The following USP8 variants were observed in gnomAD, a reference collection of about 807,000 sequenced individuals.
USP8 encodes the protein ubiquitin carboxyl-terminal hydrolase 8.
USP8 carries 27 observed loss-of-function variants against 130.0 expected under a neutral mutation model. The ratio of observed to expected loss-of-function variants is 0.21; its 90% confidence interval spans 0.15 to 0.29. USP8 has a LOEUF of 0.29. USP8 is among the 10% of genes least tolerant of loss of function. USP8 has a pLI of 1.00. For synonymous variants in USP8, 392 were observed against 444.1 expected (o/e 0.88, Z 1.48); for missense variants, 1,029 against 1,312.2 (o/e 0.78, Z 3.33).
chr15:50,470,601 G>GC (rs1246667073), intron 7 of USP8, among the ~76,000 whole-genome samples: 1 of 145,854 alleles, frequency 6.9e-6, no homozygotes, highest in East Asian at 2.0e-4. Flanking sequence ...GAGGACTTTA[G>GC]CTTTTTTTTT....
In USP8 at chr15:50,500,917, T is replaced by G. The variant is rs1425944885; in HGVS notation, c.*1829T>G. ...GAACAGAAATGATAGGGCCAAGAGA[T>G]GCTTTTTAAATTGTCCCTTATTCTA... On this transcript the variant is annotated 3_prime_UTR_variant, in exon 20 of 20. Transcript: ENST00000307179. The G allele has an allele frequency of 8.4e-7, 1 of 1,194,254 alleles. No individual in the cohort carries two copies. The highest frequency in any genetic ancestry group is 1.2e-6 in the Non-Finnish European group (1 of 826,898). 74.0% of individuals were successfully genotyped at this position (1,194,254 alleles called of 1,614,324 possible).
chr15:50,470,974 A>T (rs2051358133), intron 7 of USP8, among the ~76,000 whole-genome samples: 2 of 152,130 alleles, frequency 1.3e-5, no homozygotes, highest in Admixed American at 6.6e-5. Flanking sequence ...TTCACAGTTG[A>T]CGGTTTTAAG....
At chr15:50,452,652 C>T (rs2050662917) in intron 4 of USP8, among the ~76,000 whole-genome samples, 1 of 152,170 alleles carries the variant, frequency 6.6e-6, no homozygotes, top group Non-Finnish European at 1.5e-5. Flanking sequence ...GCCAGACTCC[C>T]TGGGTATGGA....
At chr15:50,439,272 A>C in intron 2 of USP8, 95 bp downstream of exon 2, 1 of 781,414 alleles carries the variant, frequency 1.3e-6, no homozygotes, top group Non-Finnish European at 2.0e-6. Context: ...TTTATTTGAA[A>C]AATAACACCA....
At chr15:50,496,176 C>A in intron 17 of USP8, 92 bp downstream of exon 17, 4 of 1,097,396 alleles carry the variant, frequency 3.6e-6, no homozygotes, top group East Asian at 2.4e-5. Flanking sequence ...TTTACCCTTA[C>A]AAACATTTTA....
At chr15:50,493,084 T>C (rs1239224334) in intron 15 of USP8, 171 bp downstream of exon 15, 1 of 748,702 alleles carries the variant, frequency 1.3e-6, no homozygotes, top group South Asian at 1.5e-5. Flanking sequence ...GGCCATCGTC[T>C]AGGTGCCGGC....
chr15:50,476,808 A>G, intron 8 of USP8, 41 bp from the exon 9 acceptor site: 1 of 1,507,638 alleles, frequency 6.6e-7, no homozygotes, highest in East Asian at 2.5e-5. Flanking sequence ...AGCTGTTGAA[A>G]GATTGCTGCC....
chr15:50,437,503 G>A (rs958489545), intron 1 of USP8, among the ~76,000 whole-genome samples: 15 of 152,160 alleles, frequency 9.9e-5, no homozygotes, highest in African/African-American at 1.7e-4. Flanking sequence ...GTGAGAAGGC[G>A]GGCAGGGTAT....
intron 7 of USP8, chr15:50,466,990 TC>T: frequency 2.0e-6 from 1 of 501,254 alleles, no homozygotes; most frequent in Non-Finnish European, 3.7e-6. Flanking sequence ...CATATGAGAA[TC>T]CACAAACAAC....
At chr15:50,447,084 A>C (rs776241402) in intron 3 of USP8, among the ~76,000 whole-genome samples, 8 of 152,230 alleles carry the variant, frequency 5.3e-5, no homozygotes, top group Non-Finnish European at 1.2e-4. Flanking sequence ...GAGCACTGGT[A>C]TATTGAATTA....
chr15:50,498,503 TTAC>T, intron 18 of USP8, 90 bp from the exon 19 acceptor site: 19 of 1,424,236 alleles, frequency 1.3e-5, no homozygotes, highest in Non-Finnish European at 1.5e-5. Context: ...GAAATGGATT[TTAC>T]AGTCCTGGCT....
intron 1 of USP8, chr15:50,424,773 TC>T (rs2049648232): frequency 6.0e-6 from 2 of 330,680 alleles, no homozygotes; most frequent in Admixed American, 4.9e-5. Context: ...TGACCAATCT[TC>T]CGTTCTCTTG....
chr15:50,482,708 A>G (rs574110763), intron 11 of USP8, among the ~76,000 whole-genome samples: 30 of 152,334 alleles, frequency 2.0e-4, no homozygotes, highest in African/African-American at 7.2e-4. Flanking sequence ...GTCATTAACA[A>G]TGCCTTTTCC....
chr15:50,493,227 C>G, intron 15 of USP8: 1 of 507,368 alleles, frequency 2.0e-6, no homozygotes, highest in Non-Finnish European at 3.8e-6. Context: ...GCCTTATCAC[C>G]TCTTTAAAGG....
rs1372898874 is a variant in USP8, at chr15:50,493,786, A to G, written c.2448-284A>G. 5.6e-6 allele frequency: 3 copies of G among 538,552 alleles called. No homozygotes were observed. In the Admixed American group the frequency reaches 8.1e-5, roughly 15 times the overall value. The allele number at this position is 538,552 out of a possible 1,614,324, so 33.4% of individuals were successfully genotyped here. ...GCCTTCTCTGATTAGTAAAGGACAGACAGGATGAGAGCAGTGCCAGAAGGC... is the reference window on the plus strand; with the variant it reads ...GCCTTCTCTGATTAGTAAAGGACAGGCAGGATGAGAGCAGTGCCAGAAGGC... On this transcript the variant is annotated intron_variant, in intron 15 of 19. Coordinates refer to ENST00000307179, the MANE Select transcript of USP8 (RefSeq NM_005154.5).
chr15:50,427,973 T>A (rs2049800235), intron 1 of USP8, among the ~76,000 whole-genome samples: 1 of 151,940 alleles, frequency 6.6e-6, no homozygotes, highest in African/African-American at 2.4e-5. Flanking sequence ...TCCTCCTGCC[T>A]CAGCCTCCCA....
At chr15:50,430,218 A>G (rs2049887089) in intron 1 of USP8, among the ~76,000 whole-genome samples, 1 of 152,164 alleles carries the variant, frequency 6.6e-6, no homozygotes, top group Non-Finnish European at 1.5e-5. Context: ...ACTCTTTAGA[A>G]CTAGGGCTAG....
chr15:50,484,860 A>G (rs2141308698), intron 12 of USP8, among the ~76,000 whole-genome samples: 1 of 152,354 alleles, frequency 6.6e-6, no homozygotes, highest in South Asian at 2.1e-4. Flanking sequence ...TCTTGAGGTC[A>G]TTTGCTAAGT....
intron 12 of USP8, among the ~76,000 whole-genome samples, chr15:50,488,798 C>G (rs964993547): frequency 2.0e-5 from 3 of 151,596 alleles, no homozygotes; most frequent in African/African-American, 7.3e-5. Flanking sequence ...GTCTCGAACT[C>G]CTGACCTCAG....
Sources: gnomAD v4.1 joint callset for allele counts (sites outside exome capture counted in the v4.1 genomes callset) on GRCh38, gnomAD v4.1.1 for gene constraint, MANE v1.5 for transcripts, NCBI Gene and HGNC (gene_info 2026-07-23, HGNC 2026-07-21) for gene names.